The following NADSYN1 variants were observed in gnomAD, a reference collection of about 807,000 sequenced individuals.
The protein encoded by NADSYN1 is NAD synthetase 1, also known as glutamine-dependent NAD(+) synthetase.
NADSYN1 carries 80 observed loss-of-function variants against 99.3 expected under a neutral mutation model. That is an observed-to-expected ratio of 0.81 (90% CI 0.67 to 0.97). NADSYN1 has a LOEUF of 0.97. NADSYN1 is among the 50% of genes least tolerant of loss of function. NADSYN1 has a pLI of 0.00. For missense variants in NADSYN1, 859 were observed against 948.5 expected, an observed-to-expected ratio of 0.91 and a Z score of 1.24; for synonymous variants, 385 against 372.1, an observed-to-expected ratio of 1.03 and a Z score of -0.40.
intron 7 of NADSYN1, 71 bp downstream of exon 7, chr11:71,473,437 A>G: frequency 1.5e-5 from 23 of 1,568,124 alleles, no homozygotes; most frequent in Non-Finnish European, 1.9e-5. Flanking sequence ...CTGGGACTGC[A>G]GACGTCCTGG....
intron 5 of NADSYN1, among the ~76,000 whole-genome samples, chr11:71,470,816 G>A (rs1360839557): frequency 2.0e-5 from 3 of 152,166 alleles, no homozygotes; most frequent in Non-Finnish European, 1.5e-5. Context: ...CAGGAACCTC[G>A]ATGGCTGGCA....
intron 10 of NADSYN1, 63 bp downstream of exon 10, chr11:71,478,532 C>G: frequency 7.0e-7 from 1 of 1,433,828 alleles, no homozygotes; most frequent in Non-Finnish European, 9.6e-7. Context: ...TGGCCCCATT[C>G]GTGCGGGCCT....
At chr11:71,472,884 G>A (rs1036246089) in intron 6 of NADSYN1, among the ~76,000 whole-genome samples, 3 of 152,226 alleles carry the variant, frequency 2.0e-5, no homozygotes, top group African/African-American at 7.2e-5. Flanking sequence ...AGGCACCCTG[G>A]TGTCCCCTCT....
intron 15 of NADSYN1, chr11:71,484,797 G>A (rs1162096586): frequency 3.5e-6 from 1 of 285,972 alleles, no homozygotes; most frequent in Non-Finnish European, 6.9e-6. Context: ...CTGAGCGTGA[G>A]AGGTTACATG....
chr11:71,473,245 T>G (rs773662559), intron 6 of NADSYN1, 33 bp from the exon 7 acceptor site: 3 of 1,599,178 alleles, frequency 1.9e-6, no homozygotes, highest in Non-Finnish European at 2.6e-6. Flanking sequence ...GCATGGCTAG[T>G]GAATCTCATG....
intron 20 of NADSYN1, among the ~76,000 whole-genome samples, chr11:71,500,304 C>T (rs1591139153): frequency 6.6e-6 from 1 of 152,198 alleles, no homozygotes; most frequent in African/African-American, 2.4e-5. Flanking sequence ...ACCTCATGAT[C>T]GGTGACAGCA....
chr11:71,473,339 T>C lies in NADSYN1; in HGVS notation c.521T>C (p.Ile174Thr), dbSNP rs762777872. Residue 174 changes from isoleucine (I) to threonine (T), a missense_variant, in exon 7 of 21, where the codon ATC becomes ACC. Coordinates refer to ENST00000319023, the MANE Select transcript of NADSYN1 (RefSeq NM_018161.5). ...TGGGACACCTGCATTGGAAGTGAGA[T>C]CTGTGAGGAGCTCTGGACACCCCAC... Reference protein sequence around the residue: ...VTWDTCIGSEICEELWTPHSP... With the variant: ...VTWDTCIGSETCEELWTPHSP... 6.2e-7 allele frequency: 1 copy of C among 1,614,166 alleles called. No individual in the cohort carries two copies. The highest frequency in any genetic ancestry group is 8.5e-7 in the Non-Finnish European group (1 of 1,180,034).
At chr11:71,456,252 A>G (rs963350937) in intron 2 of NADSYN1, among the ~76,000 whole-genome samples, 13 of 152,226 alleles carry the variant, frequency 8.5e-5, no homozygotes, top group Admixed American at 8.5e-4. Flanking sequence ...TCCTTAGAAT[A>G]CCACCTTCAA....
intron 3 of NADSYN1, chr11:71,459,741 A>G (rs1949538072): frequency 6.6e-6 from 1 of 152,386 alleles, no homozygotes. Context: ...CCTGGCACAT[A>G]TTCTCCTGCC....
chr11:71,501,253 C>T (rs772885324), intron 20 of NADSYN1, 49 bp from the exon 21 acceptor site: 12 of 1,477,348 alleles, frequency 8.1e-6, no homozygotes, highest in East Asian at 2.5e-5. Flanking sequence ...TTCAACAGCC[C>T]CACAGTCCGT....
chr11:71,462,676 G>A lies in NADSYN1; in HGVS notation c.264-756G>A, dbSNP rs565481564. ...GTTCACACCGGTTACTTAGCCAGTG[G>A]CAAGGCTGGAATTGGAACTCCACAC... On this transcript the variant is annotated intron_variant, in intron 3 of 20. Transcript: ENST00000319023. Among the ~76,000 whole-genome samples, 4 of 152,338 alleles carry A rather than the reference G, an allele frequency of 2.6e-5. No homozygotes were observed. The South Asian group carries it at 8.3e-4, about 32-fold the overall frequency.
chr11:71,476,400 G>T (rs551318261), intron 9 of NADSYN1: 4 of 320,918 alleles, frequency 1.2e-5, no homozygotes, highest in Non-Finnish European at 2.4e-5. Context: ...CTTTGCTCCC[G>T]CTGCGTTCCC....
chr11:71,464,219 G>C, intron 5 of NADSYN1, 77 bp downstream of exon 5: 1 of 1,212,088 alleles, frequency 8.3e-7, no homozygotes, highest in Admixed American at 2.1e-5. Context: ...CCTGATCATG[G>C]GAGTGTTACC....
intron 19 of NADSYN1, among the ~76,000 whole-genome samples, chr11:71,498,140 T>A (rs1393001355): frequency 2.0e-5 from 3 of 150,936 alleles, no homozygotes; most frequent in African/African-American, 7.3e-5. Context: ...GGGACCCCGG[T>A]TTCATAGCAT....
In NADSYN1 at chr11:71,490,983, G is replaced by A. The variant is rs199885757; in HGVS notation, c.1694+7G>A. On this transcript the variant is annotated splice_region_variant and intron_variant, in intron 17 of 20. Coordinates refer to ENST00000319023, the MANE Select transcript of NADSYN1 (RefSeq NM_018161.5). ...AGCTTCCTGCCCTGCAGAGGTGAGT[G>A]TGCTCACGGGCTGTGGCTCCACAGC... 10 of 1,613,942 alleles carry A rather than the reference G, an allele frequency of 6.2e-6. No homozygotes were observed. In the East Asian group the frequency reaches 2.0e-4, roughly 32 times the overall value.
intron 8 of NADSYN1, among the ~76,000 whole-genome samples, 169 bp from the exon 9 acceptor site, chr11:71,474,226 C>T (rs763651060): frequency 5.3e-5 from 8 of 152,162 alleles, no homozygotes; most frequent in Non-Finnish European, 1.0e-4. Context: ...CGGGGCTCGC[C>T]GCAGCTTCAC....
In NADSYN1 at chr11:71,478,472, G is replaced by A. The variant is rs1271144127; in HGVS notation, c.873+3G>A. On this transcript the variant is annotated splice_donor_region_variant and intron_variant, in intron 10 of 20. Transcript: ENST00000319023. Reference sequence around the variant, plus strand: ...AGATTTCATCTCGAAACCTGGCGGTGAGTGCTCCAGTAGACACCTGTGTGG... The same window carrying A: ...AGATTTCATCTCGAAACCTGGCGGTAAGTGCTCCAGTAGACACCTGTGTGG... 1 of 1,597,860 alleles carries A rather than the reference G, an allele frequency of 6.3e-7. No homozygotes were observed. The highest frequency in any genetic ancestry group is 1.3e-5 in the African/African-American group (1 of 74,870).
At chr11:71,475,657 A>G (rs1010063912) in intron 9 of NADSYN1, 3 of 203,476 alleles carry the variant, frequency 1.5e-5, no homozygotes, top group African/African-American at 2.3e-5. Context: ...AACTTCCTCC[A>G]CAGAGAAGGG....
chr11:71,457,543 C>A (rs954617275), intron 2 of NADSYN1, among the ~76,000 whole-genome samples: 2 of 152,208 alleles, frequency 1.3e-5, no homozygotes, highest in African/African-American at 4.8e-5. Context: ...TGAATTAATT[C>A]CTGTGGCTGC....
Sources: gnomAD v4.1 joint callset for allele counts (sites outside exome capture counted in the v4.1 genomes callset) on GRCh38, gnomAD v4.1.1 for gene constraint, MANE v1.5 for transcripts, NCBI Gene and HGNC (gene_info 2026-07-23, HGNC 2026-07-21) for gene names.